Variants in TBC1D31 observed in about 807,000 individuals in gnomAD.
TBC1D31 encodes the protein WD repeat domain 67.
Under a neutral mutation model 132.9 loss-of-function variants are expected in TBC1D31, and 99 were observed. That is an observed-to-expected ratio of 0.74 (90% CI 0.63 to 0.88). TBC1D31 has a LOEUF of 0.88. TBC1D31 is among the 40% of genes least tolerant of loss of function. The probability of loss-of-function intolerance (pLI) is 0.00; values close to 1 mark genes in which losing one functional copy is unlikely to be tolerated. For synonymous variants in TBC1D31, 385 were observed against 419.4 expected, an observed-to-expected ratio of 0.92 and a Z score of 1.00; for missense variants, 1,134 against 1,256.6, an observed-to-expected ratio of 0.90 and a Z score of 1.48.
intron 21 of TBC1D31, among the ~76,000 whole-genome samples, chr8:123,150,831 T>C (rs568341321): frequency 6.6e-6 from 1 of 152,378 alleles, no homozygotes; most frequent in African/African-American, 2.4e-5. Flanking sequence ...GACACTCTGT[T>C]AAACTTACTT....
intron 4 of TBC1D31, among the ~76,000 whole-genome samples, chr8:123,084,882 C>T (rs572907727): frequency 6.6e-6 from 1 of 152,050 alleles, no homozygotes; most frequent in African/African-American, 2.4e-5. Context: ...CTCTGCCTTA[C>T]AGGTTCAAGC....
chr8:123,097,222 G>C, intron 5 of TBC1D31, 60 bp from the exon 6 acceptor site: 1 of 1,577,370 alleles, frequency 6.3e-7, no homozygotes, highest in Non-Finnish European at 8.7e-7. Flanking sequence ...AAGTTCTGTC[G>C]GACAGTGCTG....
intron 11 of TBC1D31, among the ~76,000 whole-genome samples, chr8:123,121,636 A>G (rs1819498211): frequency 6.6e-6 from 1 of 152,102 alleles, no homozygotes; most frequent in African/African-American, 2.4e-5. Context: ...CCCTCACCTC[A>G]TCTGTCGCTC....
intron 4 of TBC1D31, 98 bp downstream of exon 4, chr8:123,084,438 C>T (rs1347877907): frequency 9.2e-6 from 11 of 1,191,156 alleles, no homozygotes; most frequent in African/African-American, 1.5e-5. Context: ...TTCACTTTGT[C>T]CTTGTAGCTC....
At chr8:123,080,264 T>G (rs906160834) in intron 2 of TBC1D31, among the ~76,000 whole-genome samples, 3 of 152,158 alleles carry the variant, frequency 2.0e-5, no homozygotes, top group Non-Finnish European at 4.4e-5. Flanking sequence ...CAATACATTT[T>G]TAGAGAAGTG....
chr8:123,149,219 C>G (rs568404271), intron 20 of TBC1D31, among the ~76,000 whole-genome samples: 1 of 147,934 alleles, frequency 6.8e-6, no homozygotes, highest in South Asian at 2.2e-4. Flanking sequence ...GAAGATGACT[C>G]TTAGATTCCA....
intron 4 of TBC1D31, among the ~76,000 whole-genome samples, chr8:123,092,168 C>A (rs1563683583): frequency 1.3e-5 from 2 of 152,000 alleles, no homozygotes; most frequent in African/African-American, 4.8e-5. Context: ...GCGTCTGCCA[C>A]CACACCCGGC....
Position 123,084,257 on chromosome 8 carries a change from T to G in TBC1D31, c.436T>G (p.Ser146Ala), listed in dbSNP as rs988423348. The G allele has an allele frequency of 6.2e-7, 1 of 1,614,180 alleles. No individual in the cohort carries two copies. Among genetic ancestry groups the G allele is most frequent in the Non-Finnish European group, 8.5e-7 (1 of 1,180,024 alleles). ...ASGKYAITTS[S>A]DTAQLWDLDT... ...AGGGAAATATGCCATCACAACTTCT[T>G]CTGATACAGCACAATTATGGGACTT... The change falls in exon 4 of 22, where the codon TCT (serine) becomes GCT (alanine). Residue 146 changes from serine (S) to alanine (A), a missense_variant. Physicochemically the swap from Ser to Ala is moderately conservative, Grantham distance 99. Coordinates refer to ENST00000287380, the MANE Select transcript of TBC1D31 (RefSeq NM_145647.4).
rs533210409 is a variant in TBC1D31, at chr8:123,093,598, T to G, written c.527T>G (p.Phe176Cys). The part of the protein sequence containing the change: ...RQSVGIQKVF[F>C]LPLSNTILSC... ...TTCTCTATTCCTCCTTAGGTTTTCT[T>G]TCTACCATTAAGTAATACCATCCTC... The change falls in exon 5 of 22, where the codon TTT (phenylalanine) becomes TGT (cysteine). Residue 176 changes from phenylalanine (F) to cysteine (C), a missense_variant. Transcript: ENST00000287380. The G allele has an allele frequency of 3.1e-6, 5 of 1,599,608 alleles. No individual in the cohort carries two copies. In the South Asian group the frequency reaches 5.6e-5, roughly 18 times the overall value.
intron 8 of TBC1D31, among the ~76,000 whole-genome samples, chr8:123,107,322 C>T (rs774635852): frequency 6.6e-6 from 1 of 152,134 alleles, no homozygotes; most frequent in Non-Finnish European, 1.5e-5. Flanking sequence ...AGAGCATTAC[C>T]GTAGCTTTGG....
Position 123,099,132 on chromosome 8 carries a change from G to T in TBC1D31, c.832-1675G>T, listed in dbSNP as rs149921604. Among the ~76,000 whole-genome samples the T allele has an allele frequency of 2.9e-3, 442 of 151,924 alleles. 2 individuals carry two copies. The highest frequency in any genetic ancestry group is 0.01 in the African/African-American group (426 of 41,442). ...TGTTTTGGTTTGGTTTTTGGTTTTT[G>T]GTTTTGAGACGGAGTCTCGCTCTGT... On this transcript the variant is annotated intron_variant, in intron 6 of 21. Coordinates refer to ENST00000287380, the MANE Select transcript of TBC1D31 (RefSeq NM_145647.4).
chr8:123,091,869 C>G (rs1816358450), intron 4 of TBC1D31, among the ~76,000 whole-genome samples: 1 of 152,184 alleles, frequency 6.6e-6, no homozygotes, highest in Non-Finnish European at 1.5e-5. Flanking sequence ...TTCAACTTTA[C>G]TATCAGTTTC....
intron 5 of TBC1D31, among the ~76,000 whole-genome samples, chr8:123,094,595 A>G (rs1816672966): frequency 6.6e-6 from 1 of 151,634 alleles, no homozygotes; most frequent in South Asian, 2.1e-4. Flanking sequence ...GCTGGAGTGC[A>G]ATGGCACTAT....
At chr8:123,128,236 G>T (rs749238682) in intron 13 of TBC1D31, 45 bp from the exon 14 acceptor site, 1 of 962,184 alleles carries the variant, frequency 1.0e-6, no homozygotes, top group East Asian at 2.4e-5. Context: ...CCTCATAATT[G>T]CTTTGTCAGG....
chr8:123,124,986 T>C (rs1187698729), intron 11 of TBC1D31, among the ~76,000 whole-genome samples: 2 of 152,054 alleles, frequency 1.3e-5, no homozygotes, highest in Non-Finnish European at 2.9e-5. Context: ...TGAAATATTT[T>C]TTAAAGCTCA....
At chr8:123,075,640 T>C (rs918761754) in intron 1 of TBC1D31, among the ~76,000 whole-genome samples, 3 of 151,910 alleles carry the variant, frequency 2.0e-5, no homozygotes, top group African/African-American at 7.3e-5. Flanking sequence ...GAGGTGGAGA[T>C]TGCAGTGAGC....
At chr8:123,084,372 G>T (rs1815498359) in intron 4 of TBC1D31, 32 bp downstream of exon 4, 1 of 1,594,784 alleles carries the variant, frequency 6.3e-7, no homozygotes, top group East Asian at 2.2e-5. Context: ...GGTCTGTTGT[G>T]CTTCTCGGGC....
At chr8:123,151,435 T>C (rs1822763887) in intron 21 of TBC1D31, among the ~76,000 whole-genome samples, 1 of 152,230 alleles carries the variant, frequency 6.6e-6, no homozygotes, top group Non-Finnish European at 1.5e-5. Context: ...AAGGTAATCA[T>C]GGTGTATATT....
chr8:123,109,539 A>AT lies in TBC1D31; in HGVS notation c.1356dup (p.Lys453Ter). 4.3e-6 allele frequency: 7 copies of AT among 1,613,992 alleles called. No individual in the cohort carries two copies. The highest frequency in any genetic ancestry group is 5.1e-6 in the Non-Finnish European group (6 of 1,179,936). On this transcript the variant is annotated frameshift_variant, in exon 10 of 22. Transcript: ENST00000287380. LOFTEE classifies it high-confidence loss of function. ...CATACTGCGTTTAGTACCCTCATAG[A>AT]TAAGGGGACTCATGTGGCATTTCTC...
Sources: gnomAD v4.1 joint callset for allele counts (sites outside exome capture counted in the v4.1 genomes callset) on GRCh38, gnomAD v4.1.1 for gene constraint, MANE v1.5 for transcripts, NCBI Gene and HGNC (gene_info 2026-07-23, HGNC 2026-07-21) for gene names.